The following GPHN variants were observed in gnomAD, a reference collection of about 807,000 sequenced individuals.
GPHN encodes gephyrin.
Under a neutral mutation model 95.5 loss-of-function variants are expected in GPHN, and 17 were observed. The observed-to-expected ratio is 0.18, with a 90% CI of 0.12 to 0.27. The LOEUF is 0.27. Among genes scored for constraint, GPHN ranks in the 10% least tolerant of loss-of-function variants. GPHN has a pLI of 1.00. For synonymous variants in GPHN, 320 were observed against 322.5 expected, an observed-to-expected ratio of 0.99 and a Z score of 0.08; for missense variants, 660 against 978.1, an observed-to-expected ratio of 0.67 and a Z score of 4.34.
chr14:66,903,814 A>G (rs528743636), intron 5 of GPHN, among the ~76,000 whole-genome samples: 33 of 151,952 alleles, frequency 2.2e-4, no homozygotes, highest in African/African-American at 7.7e-4. Context: ...TGTTGTAGGT[A>G]TTTGCATTGT....
chr14:66,861,582 G>T (rs1486526647), intron 4 of GPHN, among the ~76,000 whole-genome samples: 2 of 151,998 alleles, frequency 1.3e-5, no homozygotes, highest in African/African-American at 4.8e-5. Flanking sequence ...CTAAAGGATA[G>T]ACCATATGTT....
intron 1 of GPHN, among the ~76,000 whole-genome samples, chr14:66,605,915 A>C (rs1019988651): frequency 1.3e-5 from 2 of 152,046 alleles, no homozygotes; most frequent in Admixed American, 1.3e-4. Flanking sequence ...TGTCAGATGC[A>C]TAGTTTGTGA....
At chr14:67,512,690 T>C in the GPHN span, among the ~76,000 whole-genome samples, 55 of 152,258 alleles carry the variant, frequency 3.6e-4, no homozygotes, top group African/African-American at 1.3e-3. Context: ...AGGTCTTTCC[T>C]TATGACATCA....
At chr14:67,375,492 T>C in the GPHN span, among the ~76,000 whole-genome samples, 8 of 151,982 alleles carry the variant, frequency 5.3e-5, no homozygotes, top group African/African-American at 1.9e-4. Flanking sequence ...GTCTGTTCTT[T>C]TCTGCCATGA....
the GPHN span, among the ~76,000 whole-genome samples, chr14:67,633,326 A>C: frequency 1.3e-5 from 2 of 151,636 alleles, no homozygotes; most frequent in East Asian, 3.9e-4. Flanking sequence ...TTGTCTGCAG[A>C]ATTTCTCTGT....
At chr14:66,949,835 A>G (rs1370322610) in intron 8 of GPHN, among the ~76,000 whole-genome samples, 1 of 152,138 alleles carries the variant, frequency 6.6e-6, no homozygotes, top group Non-Finnish European at 1.5e-5. Flanking sequence ...ATAAATTTGT[A>G]TGTTTACTTT....
chr14:66,746,869 G>C (rs1351541683), intron 2 of GPHN, among the ~76,000 whole-genome samples: 1 of 152,148 alleles, frequency 6.6e-6, no homozygotes, highest in African/African-American at 2.4e-5. Context: ...ACCTCCCTCA[G>C]AGTTTTGACT....
At chr14:67,010,801 G>A (rs2072954600) in intron 9 of GPHN, among the ~76,000 whole-genome samples, 1 of 152,078 alleles carries the variant, frequency 6.6e-6, no homozygotes, top group Non-Finnish European at 1.5e-5. Flanking sequence ...AGCAACCACA[G>A]GAAGGAAGCA....
intron 4 of GPHN, among the ~76,000 whole-genome samples, chr14:66,844,729 TATAAAC>T (rs1297103857): frequency 6.6e-6 from 1 of 152,110 alleles, no homozygotes; most frequent in African/African-American, 2.4e-5. Flanking sequence ...TTTGGTAAAA[TATAAAC>T]ATAAAATTTA....
At chr14:67,055,103 A>G (rs999249743) in intron 10 of GPHN, among the ~76,000 whole-genome samples, 8 of 152,250 alleles carry the variant, frequency 5.3e-5, no homozygotes, top group Non-Finnish European at 1.0e-4. Flanking sequence ...AATGAGATCT[A>G]ATTAAAGAGC....
the GPHN span, among the ~76,000 whole-genome samples, chr14:67,349,457 G>A: frequency 6.6e-6 from 1 of 152,182 alleles, no homozygotes; most frequent in Non-Finnish European, 1.5e-5. Context: ...GTTTGCTATT[G>A]AATTGGTTAA....
chr14:66,632,973 T>C (rs551629246), intron 1 of GPHN, among the ~76,000 whole-genome samples: 3 of 152,320 alleles, frequency 2.0e-5, no homozygotes, highest in African/African-American at 7.2e-5. Flanking sequence ...ACTATTACCA[T>C]TCTTCTTTCT....
At chr14:67,339,290 C>A in the GPHN span, among the ~76,000 whole-genome samples, 1 of 152,070 alleles carries the variant, frequency 6.6e-6, no homozygotes, top group Admixed American at 6.6e-5. Context: ...AGCCACCGAG[C>A]CCAGCCTAGA....
intron 4 of GPHN, among the ~76,000 whole-genome samples, chr14:66,840,124 G>T (rs1596098442): frequency 1.3e-5 from 2 of 151,804 alleles, no homozygotes; most frequent in East Asian, 3.9e-4. Flanking sequence ...ACTAAAAATA[G>T]AAAAAATAGC....
chr14:67,532,991 A>G, the GPHN span, among the ~76,000 whole-genome samples: 1 of 151,912 alleles, frequency 6.6e-6, no homozygotes, highest in African/African-American at 2.4e-5. Flanking sequence ...CGCCCGGGAC[A>G]CCCCGCCGCC....
the GPHN span, among the ~76,000 whole-genome samples, chr14:67,309,991 G>C: frequency 6.7e-6 from 1 of 150,202 alleles, no homozygotes; most frequent in Admixed American, 6.6e-5. Context: ...AGATTCTCAA[G>C]GTTTTTTTTT....
At chr14:66,725,879 T>A (rs2071188713) in intron 2 of GPHN, among the ~76,000 whole-genome samples, 1 of 152,160 alleles carries the variant, frequency 6.6e-6, no homozygotes, top group African/African-American at 2.4e-5. Flanking sequence ...ATTGAAAAAA[T>A]CAGTAAAAAA....
chr14:66,660,034 C>T (rs560267756), intron 1 of GPHN, among the ~76,000 whole-genome samples: 2 of 151,540 alleles, frequency 1.3e-5, no homozygotes, highest in Non-Finnish European at 2.9e-5. Context: ...TTAGGAGTTT[C>T]ATTTTTATTT....
chr14:66,681,246 C>A, intron 2 of GPHN, 61 bp downstream of exon 2: 1 of 1,039,086 alleles, frequency 9.6e-7, no homozygotes, highest in Non-Finnish European at 1.5e-6. Flanking sequence ...TGTTCCTTTT[C>A]TCAAAAGAGT....
Sources: gnomAD v4.1 joint callset for allele counts (sites outside exome capture counted in the v4.1 genomes callset) on GRCh38, gnomAD v4.1.1 for gene constraint, MANE v1.5 for transcripts, NCBI Gene and HGNC (gene_info 2026-07-23, HGNC 2026-07-21) for gene names.